Variants in RSPO3 observed in about 807,000 individuals in gnomAD.
The protein encoded by RSPO3 is R-spondin-3.
A neutral mutation model predicts 36.5 loss-of-function variants in RSPO3; 17 were observed. The ratio of observed to expected loss-of-function variants is 0.47; its 90% CI spans 0.32 to 0.70. The LOEUF (loss-of-function observed/expected upper bound fraction) is 0.70, where lower values mean the gene tolerates loss of function less well. RSPO3 is among the 30% of genes least tolerant of loss of function. The pLI, the probability that RSPO3 is intolerant of heterozygous loss-of-function variation, is 0.04. For synonymous variants in RSPO3, 108 were observed against 107.0 expected (o/e 1.01, Z -0.06); for missense variants, 294 against 322.5 (o/e 0.91, Z 0.68).
chr6:127,161,085 T>C (rs1346522121), intron 4 of RSPO3, among the ~76,000 whole-genome samples: 2 of 152,112 alleles, frequency 1.3e-5, no homozygotes, highest in Non-Finnish European at 1.5e-5. Flanking sequence ...TTATTATCCA[T>C]GTAGGTGAAA....
chr6:127,162,075 T>C (rs954902818), intron 4 of RSPO3, among the ~76,000 whole-genome samples: 22 of 152,134 alleles, frequency 1.4e-4, no homozygotes, highest in Admixed American at 1.0e-3. Flanking sequence ...TCTATTATCA[T>C]CAAGATGGCA....
rs1773768736 is a variant in RSPO3 at position 127,118,789 on chromosome 6, T to TGCAGCCGCAGCCGCC, written c.-398_-384dup. On this transcript the variant is annotated 5_prime_UTR_variant, in exon 1 of 5. Transcript: ENST00000356698. ...CCTGCGCTCCAGGGGCCCCCGCCGC[T>TGCAGCCGCAGCCGCC]GCAGCCGCAGCCGCCGCAGCTTCTG... is the stretch of plus-strand genomic sequence containing the variant. The TGCAGCCGCAGCCGCC allele has an allele frequency of 6.4e-6, 1 of 155,196 alleles. No homozygotes were observed. Among genetic ancestry groups the TGCAGCCGCAGCCGCC allele is most frequent in the Non-Finnish European group, 1.4e-5 (1 of 70,418 alleles). The allele number at this position is 155,196 out of a possible 1,614,324, so 9.6% of individuals were successfully genotyped here.
intron 1 of RSPO3, among the ~76,000 whole-genome samples, chr6:127,129,858 T>C (rs1243790814): frequency 6.6e-6 from 1 of 152,000 alleles, no homozygotes; most frequent in African/African-American, 2.4e-5. Flanking sequence ...TCTAAGTTCA[T>C]AAAAGAAGGT....
intron 1 of RSPO3, among the ~76,000 whole-genome samples, chr6:127,144,650 T>TG (rs1439154046): frequency 9.2e-5 from 13 of 141,228 alleles, no homozygotes. Flanking sequence ...CTTGTTTTTT[T>TG]TTTTTTCAGA....
chr6:127,149,148 C>T (rs147605038), intron 2 of RSPO3, among the ~76,000 whole-genome samples: 3 of 152,184 alleles, frequency 2.0e-5, no homozygotes, highest in Admixed American at 6.6e-5. Context: ...ATTATCAACA[C>T]AAAATCCAAG....
chr6:127,158,559 G>C (rs1467169438), intron 4 of RSPO3, among the ~76,000 whole-genome samples: 3 of 152,086 alleles, frequency 2.0e-5, no homozygotes, highest in Admixed American at 6.6e-5. Flanking sequence ...ATCCAGAAAT[G>C]ACTTTTCAAA....
chr6:127,132,439 TA>T (rs1465854276), intron 1 of RSPO3, among the ~76,000 whole-genome samples: 1 of 152,010 alleles, frequency 6.6e-6, no homozygotes, highest in Non-Finnish European at 1.5e-5. Context: ...GCACAGGATA[TA>T]AGGGAAATGA....
At chr6:127,175,067 C>G (rs1194375609) in intron 4 of RSPO3, among the ~76,000 whole-genome samples, 1 of 151,758 alleles carries the variant, frequency 6.6e-6, no homozygotes, top group African/African-American at 2.4e-5. Context: ...TTCAACCTTA[C>G]TTCAATGCAA....
intron 4 of RSPO3, among the ~76,000 whole-genome samples, chr6:127,187,369 C>A (rs1224030911): frequency 6.6e-6 from 1 of 151,970 alleles, no homozygotes; most frequent in East Asian, 1.9e-4. Context: ...ATAAAACAAC[C>A]AAAGTATCCT....
chr6:127,192,973 CTT>C (rs2114277144), intron 4 of RSPO3, among the ~76,000 whole-genome samples: 1 of 152,254 alleles, frequency 6.6e-6, no homozygotes, highest in South Asian at 2.1e-4. Context: ...TACAGCCACT[CTT>C]GTGTATTTCT....
chr6:127,149,307 G>A (rs1457733297), intron 2 of RSPO3, among the ~76,000 whole-genome samples: 2 of 151,972 alleles, frequency 1.3e-5, no homozygotes, highest in Non-Finnish European at 2.9e-5. Flanking sequence ...GCAGACCCAG[G>A]GACCTTTCTC....
At chr6:127,158,398 T>A (rs1002828871) in intron 4 of RSPO3, among the ~76,000 whole-genome samples, 2 of 152,118 alleles carry the variant, frequency 1.3e-5, no homozygotes, top group Non-Finnish European at 2.9e-5. Flanking sequence ...TTCTTATGAA[T>A]TTAAAGTTAG....
At chr6:127,142,638 T>C (rs567696474) in intron 1 of RSPO3, among the ~76,000 whole-genome samples, 11 of 152,348 alleles carry the variant, frequency 7.2e-5, no homozygotes, top group Admixed American at 2.0e-4. Flanking sequence ...CTTTGAATGA[T>C]TGATTTCATA....
Position 127,155,327 on chromosome 6 carries a change from C to T in RSPO3, c.523C>T (p.Arg175Trp), listed in dbSNP as rs1259278709. 4 of 1,613,826 alleles carry T rather than the reference C, an allele frequency of 2.5e-6. No homozygotes were observed. Among genetic ancestry groups the T allele is most frequent in the Non-Finnish European group, 3.4e-6 (4 of 1,179,870 alleles). Residue 175 changes from arginine (R) to tryptophan (W), a missense_variant, in exon 4 of 5, where the codon CGG (arginine) becomes TGG (tryptophan). Coordinates refer to ENST00000356698, the MANE Select transcript of RSPO3 (RefSeq NM_032784.5). ...TGGCTTCAAAAGAGGGACTGAAACA[C>T]GGGTCCGAGAAATAATACAGCATCC... ...TCGFKRGTET[R>W]VREIIQHPSA...
chr6:127,171,619 C>T (rs79170923), intron 4 of RSPO3, among the ~76,000 whole-genome samples: 2,077 of 151,838 alleles, frequency 0.014, 52 homozygotes, highest in African/African-American at 0.047. Flanking sequence ...GTTTAACACA[C>T]GACACTGTAT....
intron 1 of RSPO3, among the ~76,000 whole-genome samples, chr6:127,144,709 G>T (rs532561982): frequency 7.2e-6 from 1 of 139,194 alleles, no homozygotes; most frequent in Non-Finnish European, 1.5e-5. Context: ...TGCAATCTGC[G>T]CTCACTTTAA....
chr6:127,144,592 C>G (rs1774341698), intron 1 of RSPO3, among the ~76,000 whole-genome samples: 1 of 146,226 alleles, frequency 6.8e-6, no homozygotes, highest in Admixed American at 6.9e-5. Context: ...CAAATGTCCC[C>G]TATTTTGCAT....
intron 4 of RSPO3, among the ~76,000 whole-genome samples, chr6:127,183,371 GGAGTTCACTGTAATCTCTT>G (rs1775227657): frequency 6.6e-6 from 1 of 151,950 alleles, no homozygotes; most frequent in South Asian, 2.1e-4. Context: ...ATAGCTCTCT[GGAGTTCACTGTAATCTCTT>G]GAAGCTGATA....
At chr6:127,133,601 C>G (rs529330105) in intron 1 of RSPO3, among the ~76,000 whole-genome samples, 2 of 152,204 alleles carry the variant, frequency 1.3e-5, no homozygotes, top group East Asian at 3.9e-4. Context: ...GTAGCATGCT[C>G]TAACCTTAGA....
Sources: allele counts gnomAD v4.1 joint callset (sites outside exome capture counted in the v4.1 genomes callset), GRCh38; gene constraint gnomAD v4.1.1; transcripts MANE v1.5; gene names NCBI Gene and HGNC (gene_info 2026-07-23, HGNC 2026-07-21).